The following ARHGAP18 variants were observed in gnomAD, a reference collection of about 807,000 sequenced individuals.
ARHGAP18 encodes the protein rho GTPase-activating protein 18.
ARHGAP18 carries 67 observed loss-of-function variants against 86.2 expected under a neutral mutation model. The ratio of observed to expected loss-of-function variants is 0.78; its 90% CI spans 0.64 to 0.95. The LOEUF is 0.95. ARHGAP18 is among the 40% of genes least tolerant of loss of function. The probability of loss-of-function intolerance (pLI) is 0.00; values close to 1 mark genes in which losing one functional copy is unlikely to be tolerated. For missense variants in ARHGAP18, 691 were observed against 780.4 expected (o/e 0.89, Z 1.37); for synonymous variants, 283 against 280.4 (o/e 1.01, Z -0.09).
chr6:129,671,721 T>TA (rs1429011986), intron 1 of ARHGAP18, among the ~76,000 whole-genome samples: 2 of 151,842 alleles, frequency 1.3e-5, no homozygotes, highest in Non-Finnish European at 2.9e-5. Flanking sequence ...AAATAAAAAA[T>TA]AAAAAACTTG....
chr6:129,676,910 GTCCTCTTT>G (rs1260684073), intron 1 of ARHGAP18, among the ~76,000 whole-genome samples: 9 of 31,690 alleles, frequency 2.8e-4, no homozygotes, highest in South Asian at 1.1e-3. Flanking sequence ...AAAATTTTTT[GTCCTCTTT>G]TTTTTTTTTT....
chr6:129,658,860 A>G (rs1234377234), intron 1 of ARHGAP18, among the ~76,000 whole-genome samples: 1 of 152,196 alleles, frequency 6.6e-6, no homozygotes, highest in Admixed American at 6.5e-5. Context: ...AAAAAGCACA[A>G]TTGTGGGGGT....
At position 129,616,413 on chromosome 6, in the gene ARHGAP18, T is replaced by C. The variant is rs1050078681; in HGVS notation, c.953-110A>G. On this transcript the variant is annotated intron_variant, in intron 6 of 14. Transcript: ENST00000368149. ...ACTGTCGATCAGACAACTATTTATT[T>C]AGCAACTACTAAGTGAATGACAGCA... 3 of 803,388 alleles carry C rather than the reference T, an allele frequency of 3.7e-6. No individual in the cohort carries two copies. In the African/African-American group the frequency reaches 5.2e-5, roughly 14 times the overall value. 49.8% of individuals were successfully genotyped at this position (803,388 alleles called of 1,614,324 possible).
intron 1 of ARHGAP18, among the ~76,000 whole-genome samples, chr6:129,692,301 C>G (rs934301251): frequency 6.6e-6 from 1 of 152,152 alleles, no homozygotes; most frequent in Admixed American, 6.5e-5. Flanking sequence ...GAGTTAAGCT[C>G]GCCTGAGCAG....
At chr6:129,609,737 C>G (rs1326471442) in intron 8 of ARHGAP18, among the ~76,000 whole-genome samples, 1 of 152,010 alleles carries the variant, frequency 6.6e-6, no homozygotes, top group Non-Finnish European at 1.5e-5. Flanking sequence ...TCAGGGAGCT[C>G]TAAGTACCAG....
At chr6:129,611,681 T>C in intron 7 of ARHGAP18, 71 bp from the exon 8 acceptor site, 6 of 1,310,366 alleles carry the variant, frequency 4.6e-6, no homozygotes, top group Non-Finnish European at 6.5e-6. Flanking sequence ...TAACATCTGT[T>C]TCACATATAA....
intron 1 of ARHGAP18, among the ~76,000 whole-genome samples, chr6:129,696,044 C>T (rs1413593658): frequency 6.6e-6 from 1 of 152,224 alleles, no homozygotes; most frequent in Admixed American, 6.5e-5. Flanking sequence ...TCAATGATAA[C>T]AGTTATTAGA....
At chr6:129,644,660 A>G (rs1265565598) in intron 1 of ARHGAP18, among the ~76,000 whole-genome samples, 1 of 152,244 alleles carries the variant, frequency 6.6e-6, no homozygotes, top group Non-Finnish European at 1.5e-5. Context: ...ACTAACGCCA[A>G]ATAATTGGGT....
intron 1 of ARHGAP18, among the ~76,000 whole-genome samples, chr6:129,660,254 G>A (rs1477990877): frequency 6.6e-6 from 1 of 152,236 alleles, no homozygotes; most frequent in Non-Finnish European, 1.5e-5. Flanking sequence ...TCCTGAGACA[G>A]CCTGGGGCCA....
intron 14 of ARHGAP18, among the ~76,000 whole-genome samples, chr6:129,579,353 T>C (rs1001414799): frequency 2.0e-5 from 3 of 152,168 alleles, no homozygotes; most frequent in Non-Finnish European, 4.4e-5. Flanking sequence ...TAACTTTTAA[T>C]ATTTACTAAC....
chr6:129,695,907 A>ATC (rs1774609191), intron 1 of ARHGAP18, among the ~76,000 whole-genome samples: 1 of 152,160 alleles, frequency 6.6e-6, no homozygotes, highest in African/African-American at 2.4e-5. Flanking sequence ...CTAGTCACGT[A>ATC]TCCTCTCCCT....
chr6:129,616,316 A>T lies in ARHGAP18; in HGVS notation c.953-13T>A. On this transcript the variant is annotated splice_polypyrimidine_tract_variant and intron_variant, in intron 6 of 14. Transcript: ENST00000368149. ...AAAAGACCAGAATCTGCAAGAAAAAAAATGAAATTTCCTCACTTTTGTCAA... is the reference window on the plus strand; with the variant it reads ...AAAAGACCAGAATCTGCAAGAAAAATAATGAAATTTCCTCACTTTTGTCAA... The T allele has an allele frequency of 6.2e-7, 1 of 1,600,362 alleles. No homozygotes were observed. Among genetic ancestry groups the T allele is most frequent in the Admixed American group, 1.7e-5 (1 of 58,468 alleles).
intron 4 of ARHGAP18, among the ~76,000 whole-genome samples, chr6:129,632,225 G>A (rs879396220): frequency 6.6e-6 from 1 of 152,198 alleles, no homozygotes; most frequent in Non-Finnish European, 1.5e-5. Context: ...AGGTGCAATA[G>A]GGAATACTCA....
At chr6:129,606,001 A>G (rs1788846231) in intron 9 of ARHGAP18, 42 bp from the exon 10 acceptor site, 1 of 1,566,266 alleles carries the variant, frequency 6.4e-7, no homozygotes, top group Admixed American at 1.7e-5. Flanking sequence ...TTCTTCAGTG[A>G]ACATTTTCCT....
intron 1 of ARHGAP18, among the ~76,000 whole-genome samples, chr6:129,674,474 T>C (rs1584106602): frequency 6.6e-6 from 1 of 152,248 alleles, no homozygotes; most frequent in Non-Finnish European, 1.5e-5. Flanking sequence ...TCCACGTCCA[T>C]GAGTTCCACA....
intron 2 of ARHGAP18, 49 bp downstream of exon 2, chr6:129,641,767 C>T (rs1773469099): frequency 2.0e-6 from 3 of 1,511,942 alleles, no homozygotes; most frequent in South Asian, 2.4e-5. Context: ...CATTCATTTC[C>T]TATAAATACA....
At chr6:129,651,285 T>C (rs1024455262) in intron 1 of ARHGAP18, among the ~76,000 whole-genome samples, 2 of 152,182 alleles carry the variant, frequency 1.3e-5, no homozygotes, top group Non-Finnish European at 2.9e-5. Context: ...AGTCTACAAG[T>C]AGGTTTCCTA....
chr6:129,701,538 G>A (rs1011534325), intron 1 of ARHGAP18, among the ~76,000 whole-genome samples: 1 of 152,230 alleles, frequency 6.6e-6, no homozygotes, highest in African/African-American at 2.4e-5. Context: ...TTGGGAGGCT[G>A]AGGTGGGCAG....
At chr6:129,634,323 G>C (rs1231018117) in intron 3 of ARHGAP18, among the ~76,000 whole-genome samples, 1 of 152,012 alleles carries the variant, frequency 6.6e-6, no homozygotes, top group Non-Finnish European at 1.5e-5. Context: ...AGGCCCAGTG[G>C]GAAATATTAA....
Sources: gnomAD v4.1 joint callset for allele counts (sites outside exome capture counted in the v4.1 genomes callset) on GRCh38, gnomAD v4.1.1 for gene constraint, MANE v1.5 for transcripts, NCBI Gene and HGNC (gene_info 2026-07-23, HGNC 2026-07-21) for gene names.